CELF2: variants seen among roughly 807,000 people sequenced by gnomAD.
The protein encoded by CELF2 is CUG triplet repeat RNA-binding protein 2.
A neutral mutation model predicts 62.6 loss-of-function variants in CELF2; 8 were observed. The ratio of observed to expected loss-of-function variants is 0.13; its 90% CI spans 0.07 to 0.23. The LOEUF (loss-of-function observed/expected upper bound fraction) is 0.23. Among genes scored for constraint, CELF2 ranks in the 10% least tolerant of loss-of-function variants. The pLI, the probability that CELF2 is intolerant of heterozygous loss-of-function variation, is 1.00. For missense variants in CELF2, 333 were observed against 671.0 expected (o/e 0.50, Z 5.56); for synonymous variants, 258 against 250.0 (o/e 1.03, Z -0.30).
At chr10:11,263,392 C>G (rs184915231) in intron 5 of CELF2, among the ~76,000 whole-genome samples, 1 of 151,896 alleles carries the variant, frequency 6.6e-6, no homozygotes, top group African/African-American at 2.4e-5. Context: ...AAAACTCCCT[C>G]CCCACCAAAA....
At chr10:11,042,789 T>G (rs775339566) in intron 1 of CELF2, among the ~76,000 whole-genome samples, 2 of 152,210 alleles carry the variant, frequency 1.3e-5, no homozygotes, top group African/African-American at 2.4e-5. Flanking sequence ...TGTAATTGTA[T>G]AATATGTGGC....
chr10:11,239,654 G>A (rs1312358679), intron 3 of CELF2, among the ~76,000 whole-genome samples: 1 of 152,188 alleles, frequency 6.6e-6, no homozygotes, highest in African/African-American at 2.4e-5. Context: ...GGGAGAAGGG[G>A]ATATGAGATA....
chr10:10,553,902 G>A, the CELF2 span, among the ~76,000 whole-genome samples: 3 of 152,122 alleles, frequency 2.0e-5, no homozygotes, highest in Non-Finnish European at 4.4e-5. Context: ...AGCTGTGGTC[G>A]CACCCAATGC....
intron 3 of CELF2, among the ~76,000 whole-genome samples, chr10:11,222,728 C>T (rs1383869654): frequency 2.6e-5 from 4 of 152,222 alleles, no homozygotes; most frequent in East Asian, 1.9e-4. Flanking sequence ...ATAGTGAATG[C>T]CCGAATAAGT....
chr10:10,549,615 G>C, the CELF2 span, among the ~76,000 whole-genome samples: 1 of 152,062 alleles, frequency 6.6e-6, no homozygotes, highest in African/African-American at 2.4e-5. Context: ...CTCTCTTCTT[G>C]GCTTGCAAAT....
Position 10,814,100 on chromosome 10 carries a change from T to C in CELF2, c.53+15283T>C, listed in dbSNP as rs927853916. Among the ~76,000 whole-genome samples, 3 of 150,730 alleles carry C rather than the reference T, an allele frequency of 2.0e-5. No homozygotes were observed. The East Asian group carries it at 5.9e-4, about 30-fold the overall frequency. On this transcript the variant is annotated intron_variant, in intron 1 of 13. Coordinates refer to the CELF2 transcript ENST00000636488. The stretch of plus-strand genomic sequence containing the variant: ...CAGCACCTCTACTCTCTAGCAAATA[T>C]ACATTTCAATGACCTGGAGCCACAT...
chr10:11,164,295 T>G (rs1213936746), intron 1 of CELF2, among the ~76,000 whole-genome samples: 6 of 152,234 alleles, frequency 3.9e-5, no homozygotes, highest in Non-Finnish European at 1.5e-5. Context: ...ATGGTTTTGC[T>G]TTACTGTTTA....
At chr10:11,119,861 G>GCCACCCC in intron 1 of CELF2, among the ~76,000 whole-genome samples, 1 of 103,036 alleles carries the variant, frequency 9.7e-6, no homozygotes, top group Non-Finnish European at 1.9e-5. Flanking sequence ...GCTTGATTCC[G>GCCACCCC]CCTCCCCCCC....
At chr10:10,596,178 G>T in the CELF2 span, among the ~76,000 whole-genome samples, 1 of 151,840 alleles carries the variant, frequency 6.6e-6, no homozygotes, top group Non-Finnish European at 1.5e-5. Flanking sequence ...TGTGTAGTGG[G>T]TACTGAGATG....
At chr10:10,613,726 A>T in the CELF2 span, among the ~76,000 whole-genome samples, 1 of 152,150 alleles carries the variant, frequency 6.6e-6, no homozygotes, top group South Asian at 2.1e-4. Flanking sequence ...CTTCCTGAAA[A>T]TGCTTTAAAA....
At chr10:10,898,306 G>A (rs571214329) in intron 1 of CELF2, among the ~76,000 whole-genome samples, 5 of 152,342 alleles carry the variant, frequency 3.3e-5, no homozygotes, top group African/African-American at 4.8e-5. Context: ...TCGAGCTGAT[G>A]CTCTTCAGAG....
At chr10:11,171,993 G>A (rs183807520) in intron 2 of CELF2, among the ~76,000 whole-genome samples, 8 of 152,258 alleles carry the variant, frequency 5.3e-5, no homozygotes, top group Admixed American at 4.6e-4. Context: ...AGTGGACCTG[G>A]GAGCCCGTTT....
intron 2 of CELF2, among the ~76,000 whole-genome samples, chr10:11,194,061 AT>A (rs1353521948): frequency 6.6e-6 from 1 of 151,926 alleles, no homozygotes; most frequent in Non-Finnish European, 1.5e-5. Flanking sequence ...CTTTTTAAAA[AT>A]TTTTTATTTT....
intron 1 of CELF2, among the ~76,000 whole-genome samples, chr10:11,128,898 G>T (rs1305667032): frequency 6.6e-6 from 1 of 152,200 alleles, no homozygotes; most frequent in Non-Finnish European, 1.5e-5. Flanking sequence ...GCCCTGGCCA[G>T]AACTTCCAAC....
intron 1 of CELF2, among the ~76,000 whole-genome samples, chr10:10,880,498 G>T (rs756438737): frequency 6.6e-6 from 1 of 152,140 alleles, no homozygotes; most frequent in African/African-American, 2.4e-5. Flanking sequence ...CTCCTTAACC[G>T]CATCTTTTTC....
chr10:10,733,613 G>GT, the CELF2 span, among the ~76,000 whole-genome samples: 12 of 51,662 alleles, frequency 2.3e-4, no homozygotes, highest in Admixed American at 1.9e-3. Flanking sequence ...AGCATGGCTT[G>GT]GGGGGGCCTC....
rs2140205598 is a variant in CELF2 at position 11,302,454 on chromosome 10, G to GT, written c.977-11684dup. ...ATGCGGGCGAGGCTGTAACTTTACA[G>GT]TAACGATCTTCTCCATTAAATGTGT... On this transcript the variant is annotated intron_variant, in intron 9 of 12. Coordinates refer to ENST00000633077, the MANE Select transcript of CELF2 (RefSeq NM_001326342.2). This position sits in a 1 kb window ranked among gnomAD's most constrained non-coding sequence, Gnocchi z 5.0. 6.6e-6 allele frequency among the ~76,000 whole-genome samples: 1 copy of GT among 152,354 alleles called. No homozygotes were observed. Among genetic ancestry groups the GT allele is most frequent in the African/African-American group, 2.4e-5 (1 of 41,578 alleles).
intron 1 of CELF2, among the ~76,000 whole-genome samples, chr10:11,067,789 C>A (rs2068567871): frequency 6.6e-6 from 1 of 152,170 alleles, no homozygotes; most frequent in Non-Finnish European, 1.5e-5. Context: ...AATCTCTTTT[C>A]CTATTTATTG....
the CELF2 span, among the ~76,000 whole-genome samples, chr10:10,653,012 A>G: frequency 4.6e-5 from 7 of 152,132 alleles, no homozygotes; most frequent in Non-Finnish European, 7.4e-5. Flanking sequence ...AAATAAAAGG[A>G]TGGAGGAAGA....
Sources: allele counts gnomAD v4.1 joint callset (sites outside exome capture counted in the v4.1 genomes callset), GRCh38; gene constraint gnomAD v4.1.1; non-coding constraint Gnocchi (gnomAD v3.1); transcripts MANE v1.5; gene names NCBI Gene and HGNC (gene_info 2026-07-23, HGNC 2026-07-21).